Variants in FBXO40 observed in about 807,000 individuals in gnomAD.
FBXO40 encodes the protein F-box only protein 40.
In FBXO40, 50 loss-of-function variants were observed where a neutral mutation model predicts 49.9. The ratio of observed to expected loss-of-function variants is 1.00; its 90% CI spans 0.80 to 1.27. FBXO40 has a LOEUF of 1.27. Ranked by LOEUF, FBXO40 falls within the 50% of genes most tolerant of loss-of-function variation. The pLI is 0.00. For missense variants in FBXO40, 895 were observed against 870.1 expected, an observed-to-expected ratio of 1.03 and a Z score of -0.36; for synonymous variants, 340 against 320.2, an observed-to-expected ratio of 1.06 and a Z score of -0.66.
intron 1 of FBXO40, among the ~76,000 whole-genome samples, chr3:121,595,192 A>G (rs1207249432): frequency 6.6e-6 from 1 of 152,170 alleles, no homozygotes; most frequent in Non-Finnish European, 1.5e-5. Flanking sequence ...TATGTACCCC[A>G]AGACTCTGCT....
chr3:121,619,048 T>C (rs560129559), intron 1 of FBXO40, among the ~76,000 whole-genome samples: 2 of 152,022 alleles, frequency 1.3e-5, no homozygotes, highest in South Asian at 4.2e-4. Flanking sequence ...CAGGCTGGAG[T>C]GCAGTGGTGT....
chr3:121,603,951 C>A (rs7637282), intron 1 of FBXO40, among the ~76,000 whole-genome samples: 20,971 of 152,240 alleles, frequency 0.14, 2,166 homozygotes, highest in Admixed American at 0.32. Context: ...ATCTCTTGAC[C>A]TGGTGATCTG....
chr3:121,607,000 C>A (rs373770869), intron 1 of FBXO40, among the ~76,000 whole-genome samples: 51 of 152,280 alleles, frequency 3.3e-4, no homozygotes, highest in African/African-American at 1.2e-3. Flanking sequence ...TGTGGTGGCT[C>A]ATGCCTGTAT....
At chr3:121,594,646 T>C (rs988627324) in intron 1 of FBXO40, among the ~76,000 whole-genome samples, 2 of 152,250 alleles carry the variant, frequency 1.3e-5, no homozygotes, top group African/African-American at 4.8e-5. Flanking sequence ...GTATTTTCTG[T>C]ATATACTATT....
chr3:121,604,985 A>T (rs2108845730), intron 1 of FBXO40, among the ~76,000 whole-genome samples: 1 of 150,852 alleles, frequency 6.6e-6, no homozygotes, highest in East Asian at 1.9e-4. Flanking sequence ...TTATTTATTT[A>T]TTTATTTGAC....
intron 1 of FBXO40, among the ~76,000 whole-genome samples, chr3:121,617,237 T>C (rs1432801432): frequency 2.6e-5 from 4 of 152,212 alleles, no homozygotes; most frequent in Non-Finnish European, 1.5e-5. Flanking sequence ...TGATTACAGA[T>C]TCTGTATGCA....
chr3:121,627,299 C>T lies in FBXO40; in HGVS notation c.*389C>T, dbSNP rs1249635821. On this transcript the variant is annotated 3_prime_UTR_variant, in exon 4 of 4. Coordinates refer to ENST00000338040, the MANE Select transcript of FBXO40 (RefSeq NM_016298.4). ...GTGCTTTTACATGGGCTTTTTAGTT[C>T]ACAAAGCACTTTCAAATTTATGGGA... 1 of 186,124 alleles carries T rather than the reference C, an allele frequency of 5.4e-6. No individual in the cohort carries two copies. The highest frequency in any genetic ancestry group is 2.4e-5 in the African/African-American group (1 of 42,232). 11.5% of individuals were successfully genotyped at this position (186,124 alleles called of 1,614,324 possible).
chr3:121,616,720 A>G (rs2048999741), intron 1 of FBXO40, among the ~76,000 whole-genome samples: 1 of 152,292 alleles, frequency 6.6e-6, no homozygotes, highest in South Asian at 2.1e-4. Flanking sequence ...GAGTGGGTGA[A>G]TGAGTGGAGG....
chr3:121,593,762 T>C (rs185735543), intron 1 of FBXO40, among the ~76,000 whole-genome samples: 1 of 152,324 alleles, frequency 6.6e-6, no homozygotes, highest in Admixed American at 6.5e-5. Flanking sequence ...ACAAGAGTAG[T>C]TATGATATCT....
intron 1 of FBXO40, among the ~76,000 whole-genome samples, chr3:121,595,688 T>C (rs1164514316): frequency 1.3e-5 from 2 of 152,190 alleles, no homozygotes; most frequent in Non-Finnish European, 2.9e-5. Context: ...GCAAAGTGAT[T>C]GTGTTAAAAT....
chr3:121,604,288 C>G (rs1183458868), intron 1 of FBXO40, among the ~76,000 whole-genome samples: 1 of 152,066 alleles, frequency 6.6e-6, no homozygotes, highest in East Asian at 1.9e-4. Flanking sequence ...GTAGGTCACT[C>G]ATAAGTTGAT....
Position 121,628,153 on chromosome 3 carries a change from T to A in FBXO40, c.*1243T>A. 2.6e-6 allele frequency: 1 copy of A among 383,354 alleles called. No individual in the cohort carries two copies. The highest frequency in any genetic ancestry group is 4.6e-6 in the Non-Finnish European group (1 of 217,498). The allele number at this position is 383,354 out of a possible 1,614,324, so 23.7% of individuals were successfully genotyped here. On this transcript the variant is annotated 3_prime_UTR_variant, in exon 4 of 4. Transcript: ENST00000338040. ...TTCTTAGCCTTGGAACTATTGACAT[T>A]TTTAAATGGATAATTCTTTTTTTTT...
chr3:121,598,824 A>G (rs1001362503), intron 1 of FBXO40, among the ~76,000 whole-genome samples: 4 of 151,920 alleles, frequency 2.6e-5, no homozygotes. Flanking sequence ...CCCAATTTAC[A>G]CCTTTCTGCG....
chr3:121,618,174 TA>T (rs1279905084), intron 1 of FBXO40, among the ~76,000 whole-genome samples: 1 of 151,950 alleles, frequency 6.6e-6, no homozygotes, highest in Non-Finnish European at 1.5e-5. Flanking sequence ...GTTTAATAAA[TA>T]AAAATATTAA....
In FBXO40 at chr3:121,621,809, C is replaced by T. The variant is rs756038658; in HGVS notation, c.380C>T (p.Thr127Ile). ...ACCCCCAGTGAGGAGTGTTTGGACA[C>T]AGCCCTGGCCCTGCAGGATCAGAAG... ...KETPSEECLDTALALQDQKVL... is the reference protein window; with the variant it reads ...KETPSEECLDIALALQDQKVL... Residue 127 changes from threonine to isoleucine, a missense_variant, in exon 3 of 4, where the codon ACA (threonine) becomes ATA (isoleucine). Thr to Ile is a moderately conservative substitution (Grantham distance 89). Coordinates refer to ENST00000338040, the MANE Select transcript of FBXO40 (RefSeq NM_016298.4). 2.5e-6 allele frequency: 4 copies of T among 1,614,228 alleles called. No individual in the cohort carries two copies. In the Admixed American group the frequency reaches 6.7e-5, roughly 27 times the overall value.
At chr3:121,619,839 C>T (rs146945089) in intron 1 of FBXO40, among the ~76,000 whole-genome samples, 81 of 152,328 alleles carry the variant, frequency 5.3e-4, no homozygotes, top group African/African-American at 1.8e-3. Context: ...CATATCACAG[C>T]TCACAAAAGT....
At chr3:121,597,601 C>T (rs1032128707) in intron 1 of FBXO40, among the ~76,000 whole-genome samples, 2 of 150,764 alleles carry the variant, frequency 1.3e-5, no homozygotes, top group Non-Finnish European at 3.0e-5. Flanking sequence ...ATCTATTACA[C>T]ACTCCCTATT....
At chr3:121,614,384 G>A (rs1000330809) in intron 1 of FBXO40, among the ~76,000 whole-genome samples, 5 of 151,844 alleles carry the variant, frequency 3.3e-5, no homozygotes, top group Admixed American at 3.3e-4. Context: ...AGAGGTTGCA[G>A]TGAGCCGAAA....
At chr3:121,605,189 G>A (rs1230689985) in intron 1 of FBXO40, among the ~76,000 whole-genome samples, 1 of 151,972 alleles carries the variant, frequency 6.6e-6, no homozygotes, top group Non-Finnish European at 1.5e-5. Context: ...CATCCACCTC[G>A]GCCTCCCAAA....
Sources: allele counts gnomAD v4.1 joint callset (sites outside exome capture counted in the v4.1 genomes callset), GRCh38; gene constraint gnomAD v4.1.1; transcripts MANE v1.5; gene names NCBI Gene and HGNC (gene_info 2026-07-23, HGNC 2026-07-21).